COPG2: variants seen among roughly 807,000 people sequenced by gnomAD.
The protein encoded by COPG2 is coatomer subunit gamma-2.
COPG2 carries 37 observed loss-of-function variants against 46.3 expected under a neutral mutation model. That is an observed-to-expected ratio of 0.80 (90% CI 0.61 to 1.05). The LOEUF (loss-of-function observed/expected upper bound fraction) is 1.05, where lower values mean the gene tolerates loss of function less well. COPG2 is among the 50% of genes least tolerant of loss of function. COPG2 has a pLI of 0.00. For synonymous variants in COPG2, 159 were observed against 129.7 expected (o/e 1.23, Z -1.53); for missense variants, 427 against 387.8 (o/e 1.10, Z -0.85).
chr7:130,573,484 T>G (rs1457681580), intron 9 of COPG2, among the ~76,000 whole-genome samples: 1 of 152,016 alleles, frequency 6.6e-6, no homozygotes, highest in Non-Finnish European at 1.5e-5. Flanking sequence ...GTAAAAAGAA[T>G]TATATACATA....
intron 20 of COPG2, among the ~76,000 whole-genome samples, chr7:130,515,460 T>G (rs1416283874): frequency 6.6e-6 from 1 of 152,174 alleles, no homozygotes. Flanking sequence ...CACCTCCCAC[T>G]AGGCCCTACC....
intron 9 of COPG2, among the ~76,000 whole-genome samples, chr7:130,598,776 G>C (rs543719351): frequency 6.6e-6 from 1 of 152,240 alleles, no homozygotes; most frequent in Non-Finnish European, 1.5e-5. Flanking sequence ...TTACCAACGG[G>C]CTATCCAGCT....
chr7:130,660,315 C>G (rs1300999071), intron 4 of COPG2, among the ~76,000 whole-genome samples: 3 of 152,170 alleles, frequency 2.0e-5, no homozygotes, highest in Admixed American at 6.5e-5. Flanking sequence ...CCATTTTCCA[C>G]CCTTCTAATC....
intron 5 of COPG2, among the ~76,000 whole-genome samples, chr7:130,625,231 C>G (rs782238868): frequency 3.3e-5 from 5 of 152,094 alleles, no homozygotes; most frequent in Non-Finnish European, 5.9e-5. Context: ...AATAAGAAGA[C>G]TATTGATTAT....
chr7:130,613,652 A>C lies in COPG2; in HGVS notation c.400-16T>G. 1.3e-6 allele frequency: 2 copies of C among 1,552,526 alleles called. No homozygotes were observed. Among genetic ancestry groups the C allele is most frequent in the Non-Finnish European group, 1.8e-6 (2 of 1,137,138 alleles). ...ACATTGTTCCCTAATAACATTCAAA[A>C]AGAAAAAATTGTTAAGGAAAAACAT... On this transcript the variant is annotated splice_polypyrimidine_tract_variant and intron_variant, in intron 6 of 23. Transcript: ENST00000425248.
rs893217237 is a variant in COPG2 at position 130,545,957 on chromosome 7, C to T, written c.2149+1717G>A. Among the ~76,000 whole-genome samples the T allele has an allele frequency of 1.7e-4, 26 of 152,018 alleles. No individual in the cohort carries two copies. The South Asian group carries it at 2.9e-3, about 17-fold the overall frequency. On this transcript the variant is annotated intron_variant, in intron 20 of 23. Coordinates refer to ENST00000425248, the MANE Select transcript of COPG2 (RefSeq NM_012133.6). Reference sequence around the variant, plus strand: ...TTATAAAATTATACTTCTTAGATTCCGTTAAGAATACTTTCTGGGGTGTGA... The same window carrying T: ...TTATAAAATTATACTTCTTAGATTCTGTTAAGAATACTTTCTGGGGTGTGA...
intron 9 of COPG2, among the ~76,000 whole-genome samples, chr7:130,609,607 T>A (rs564609812): frequency 5.9e-5 from 9 of 152,370 alleles, no homozygotes; most frequent in Admixed American, 4.6e-4. Context: ...CCATTCTGTT[T>A]CCTTTCCTTC....
chr7:130,535,147 G>A (rs1799866484), intron 20 of COPG2, among the ~76,000 whole-genome samples: 1 of 152,312 alleles, frequency 6.6e-6, no homozygotes, highest in South Asian at 2.1e-4. Context: ...AGAGATGACT[G>A]AGTCAGATGA....
intron 9 of COPG2, chr7:130,607,804 C>T (rs2116494834): frequency 1.9e-6 from 1 of 520,066 alleles, no homozygotes; most frequent in South Asian, 1.4e-5. Flanking sequence ...TGTCATCCTA[C>T]ACTGAGGAAT....
intron 9 of COPG2, among the ~76,000 whole-genome samples, chr7:130,565,230 G>A (rs36167806): frequency 0.19 from 29,447 of 152,162 alleles, 3,041 homozygotes; most frequent in Middle Eastern, 0.25. Flanking sequence ...GTGAACTCCC[G>A]GGGCATGGAA....
chr7:130,533,095 A>T (rs1401494960), intron 20 of COPG2, among the ~76,000 whole-genome samples: 2 of 152,194 alleles, frequency 1.3e-5, no homozygotes, highest in African/African-American at 4.8e-5. Flanking sequence ...GGGCAAGAAG[A>T]ATGAGTTGGA....
At chr7:130,658,192 G>A (rs1209322836) in intron 4 of COPG2, among the ~76,000 whole-genome samples, 1 of 152,034 alleles carries the variant, frequency 6.6e-6, no homozygotes, top group East Asian at 1.9e-4. Context: ...TCCATTCAAT[G>A]GAATACGACG....
chr7:130,618,100 C>CAAAAAAAAAAA (rs10695449), intron 5 of COPG2, among the ~76,000 whole-genome samples: 3 of 64,590 alleles, frequency 4.6e-5, no homozygotes, highest in East Asian at 5.0e-4. Context: ...GACCCTGTCT[C>CAAAAAAAAAAA]AAAAAAAAAA....
chr7:130,564,115 C>T (rs1012425650), intron 10 of COPG2, 145 bp downstream of exon 10: 391 of 395,692 alleles, frequency 9.9e-4, no homozygotes, highest in Non-Finnish European at 1.6e-3. Context: ...AATAAACTAT[C>T]TACATATAAG....
intron 9 of COPG2, chr7:130,604,843 C>T: frequency 4.6e-6 from 2 of 438,594 alleles, no homozygotes; most frequent in Non-Finnish European, 8.8e-6. Context: ...TGTTCCCTTC[C>T]AGTCCTGGTG....
At position 130,551,037 on chromosome 7, in the gene COPG2, A is replaced by G. The variant is rs1333040117; in HGVS notation, c.1648+204T>C. ...CCTAAAAAATGTAAGGGCCCAATCT[A>G]TATTCTTATAGATTGCTGCATAGGA... On this transcript the variant is annotated intron_variant, in intron 16 of 23. Coordinates refer to ENST00000425248, the MANE Select transcript of COPG2 (RefSeq NM_012133.6). 5.3e-5 allele frequency among the ~76,000 whole-genome samples: 8 copies of G among 152,294 alleles called. No individual in the cohort carries two copies. The East Asian group carries it at 1.5e-3, about 29-fold the overall frequency.
chr7:130,582,403 A>G (rs1584982855), intron 9 of COPG2, among the ~76,000 whole-genome samples: 1 of 149,986 alleles, frequency 6.7e-6, no homozygotes, highest in South Asian at 2.1e-4. Context: ...CCTAGAAGAA[A>G]ACCTAGGCAT....
chr7:130,625,483 T>C (rs1170874634), intron 5 of COPG2, among the ~76,000 whole-genome samples: 1 of 151,998 alleles, frequency 6.6e-6, no homozygotes, highest in Non-Finnish European at 1.5e-5. Flanking sequence ...CTGATCTTAG[T>C]GGAAATGCCT....
chr7:130,631,172 CTTTTT>C (rs55966949), intron 5 of COPG2, among the ~76,000 whole-genome samples: 1 of 102,328 alleles, frequency 9.8e-6, no homozygotes, highest in Non-Finnish European at 2.1e-5. Context: ...TTTTTCTTTT[CTTTTT>C]TTTTTTTTTT....
Sources: gnomAD v4.1 joint callset for allele counts (sites outside exome capture counted in the v4.1 genomes callset) on GRCh38, gnomAD v4.1.1 for gene constraint, MANE v1.5 for transcripts, NCBI Gene and HGNC (gene_info 2026-07-23, HGNC 2026-07-21) for gene names.